The following BLTP1 variants were observed in gnomAD, a reference collection of about 807,000 sequenced individuals.
BLTP1 encodes the protein bridge-like lipid transfer protein family member 1, also known as fragile site-associated protein.
At chr4:122,255,080 A>G in the BLTP1 span, 5 of 1,540,906 alleles carry the variant, frequency 3.2e-6, no homozygotes, top group East Asian at 1.1e-4. Flanking sequence ...TTTTATTTGT[A>G]GGCTCTTTCA....
chr4:122,163,791 G>T, the BLTP1 span, among the ~76,000 whole-genome samples: 2 of 152,304 alleles, frequency 1.3e-5, no homozygotes, highest in East Asian at 3.9e-4. Context: ...GTGAAGCATA[G>T]TATAGAGTCT....
At chr4:122,199,414 G>A in the BLTP1 span, 1 of 1,613,656 alleles carries the variant, frequency 6.2e-7, no homozygotes, top group Non-Finnish European at 8.5e-7. Flanking sequence ...CTACCAGCAT[G>A]CAATATCGGA....
the BLTP1 span, among the ~76,000 whole-genome samples, chr4:122,351,571 C>A: frequency 6.6e-6 from 1 of 152,142 alleles, no homozygotes; most frequent in African/African-American, 2.4e-5. Context: ...CCTTTGCCTT[C>A]TTTTAATTTA....
chr4:122,275,707 C>A, the BLTP1 span, among the ~76,000 whole-genome samples: 1 of 151,868 alleles, frequency 6.6e-6, no homozygotes, highest in African/African-American at 2.4e-5. Flanking sequence ...AGTAAAGATC[C>A]CTTAACTGTT....
At chr4:122,211,129 A>C in the BLTP1 span, 2 of 1,538,176 alleles carry the variant, frequency 1.3e-6, no homozygotes, top group South Asian at 2.3e-5. Context: ...CATACTTTTA[A>C]ATATAGACAA....
chr4:122,158,903 A>G, the BLTP1 span, among the ~76,000 whole-genome samples: 1 of 152,248 alleles, frequency 6.6e-6, no homozygotes. Context: ...TTAGATATTC[A>G]GAGTTCTTCG....
At chr4:122,231,249 C>A in the BLTP1 span, among the ~76,000 whole-genome samples, 11 of 152,264 alleles carry the variant, frequency 7.2e-5, no homozygotes, top group South Asian at 1.7e-3. Context: ...AAATTAATTT[C>A]AGTTTATATC....
the BLTP1 span, chr4:122,362,191 G>A: frequency 2.0e-5 from 33 of 1,613,128 alleles, no homozygotes; most frequent in South Asian, 1.1e-4. Context: ...CAAAAAGCTC[G>A]GTACTGCACT....
At chr4:122,260,047 C>A in the BLTP1 span, 1 of 399,658 alleles carries the variant, frequency 2.5e-6, no homozygotes, top group Non-Finnish European at 3.4e-6. Context: ...GGCAATTTGT[C>A]ATTGTGTAAA....
the BLTP1 span, chr4:122,186,190 T>G: frequency 6.2e-7 from 1 of 1,612,330 alleles, no homozygotes; most frequent in African/African-American, 1.3e-5. Context: ...CACGGGAAAT[T>G]GGAAGAACAA....
the BLTP1 span, chr4:122,243,449 G>A: frequency 3.0e-6 from 3 of 984,840 alleles, no homozygotes; most frequent in Non-Finnish European, 2.4e-6. Flanking sequence ...GACATAAAAT[G>A]TCAAGTCCAG....
the BLTP1 span, chr4:122,287,652 T>A: frequency 1.0e-6 from 1 of 984,730 alleles, no homozygotes. Context: ...ATAAGAATGC[T>A]CTTTGGGTTC....
chr4:122,276,372 G>A, the BLTP1 span: 1 of 834,866 alleles, frequency 1.2e-6, no homozygotes, highest in African/African-American at 1.8e-5. Context: ...GCAAGAAAGA[G>A]TTTTCACTAA....
At chr4:122,299,864 A>G in the BLTP1 span, 1 of 984,974 alleles carries the variant, frequency 1.0e-6, no homozygotes, top group East Asian at 1.1e-4. Flanking sequence ...AGTTGAAGAA[A>G]AGAAAATGTA....
At chr4:122,344,363 T>G in the BLTP1 span, 26 of 1,606,978 alleles carry the variant, frequency 1.6e-5, no homozygotes, top group Non-Finnish European at 2.0e-5. Flanking sequence ...GGGGTTGTGT[T>G]TGTTTGTTTG....
At chr4:122,155,602 G>A in the BLTP1 span, among the ~76,000 whole-genome samples, 22 of 152,156 alleles carry the variant, frequency 1.4e-4, no homozygotes, top group Non-Finnish European at 2.5e-4. Context: ...GGGATTACAG[G>A]TGTGAGCCAC....
chr4:122,261,535 T>G, the BLTP1 span: 1 of 983,876 alleles, frequency 1.0e-6, no homozygotes. Flanking sequence ...ATTCTGTAAT[T>G]TTTAATTTTT....
chr4:122,275,660 A>G, the BLTP1 span, among the ~76,000 whole-genome samples: 3 of 152,162 alleles, frequency 2.0e-5, no homozygotes, highest in African/African-American at 7.2e-5. Context: ...TTGGTAAAGT[A>G]TTATATAGCT....
chr4:122,200,228 T>A, the BLTP1 span: 1 of 984,676 alleles, frequency 1.0e-6, no homozygotes, highest in Non-Finnish European at 1.2e-6. Context: ...CTATTGCTGA[T>A]AAATAGTGCT....
Sources: allele counts gnomAD v4.1 joint callset (sites outside exome capture counted in the v4.1 genomes callset), GRCh38; gene constraint gnomAD v4.1.1; transcripts MANE v1.5; gene names NCBI Gene and HGNC (gene_info 2026-07-23, HGNC 2026-07-21).